Variants in VWA8 observed in about 807,000 individuals in gnomAD.
VWA8 encodes von Willebrand factor A domain containing 8.
In VWA8, 221 loss-of-function variants were observed where a neutral mutation model predicts 241.5. That is an observed-to-expected ratio of 0.91 (90% CI 0.82 to 1.02). VWA8 has a LOEUF of 1.02. Ranked by LOEUF, VWA8 falls within the 50% of genes least tolerant of loss-of-function variation. The probability of loss-of-function intolerance (pLI) is 0.00; values close to 1 mark genes in which losing one functional copy is unlikely to be tolerated. For missense variants in VWA8, 2,322 were observed against 2,328.7 expected, an observed-to-expected ratio of 1.00 and a Z score of 0.06; for synonymous variants, 852 against 827.1, an observed-to-expected ratio of 1.03 and a Z score of -0.52.
chr13:41,960,944 C>T lies in VWA8; in HGVS notation c.72G>A (p.Leu24=), dbSNP rs1878587768. 9.5e-6 allele frequency: 14 copies of T among 1,477,594 alleles called. No individual in the cohort carries two copies. Among genetic ancestry groups the T allele is most frequent in the South Asian group, 1.3e-5 (1 of 77,526 alleles). The allele number at this position is 1,477,594 out of a possible 1,614,324, so 91.5% of individuals were successfully genotyped here. The part of the protein sequence containing the change: ...HGGPASRRMR[L]LLRQVVQRRP... Reference sequence around the variant, plus strand: ...TGCGCTGCACCACCTGCCGCAGGAGCAGCCGCATGCGCCGCGAGGCCGGGC... The same window carrying T: ...TGCGCTGCACCACCTGCCGCAGGAGTAGCCGCATGCGCCGCGAGGCCGGGC... Residue 24 remains leucine, a synonymous_variant, in exon 1 of 45, where the codon CTG becomes CTA. Coordinates refer to ENST00000379310, the MANE Select transcript of VWA8 (RefSeq NM_015058.2).
rs942924608 is a variant in VWA8 at position 41,898,236 on chromosome 13, C to A, written c.484-6649G>T. Among the ~76,000 whole-genome samples the A allele has an allele frequency of 2.3e-4, 35 of 151,954 alleles. 1 individual carries two copies. In the East Asian group the frequency reaches 4.1e-3, roughly 18 times the overall value. ...ACCAGAGCAGGTAGATACAGAGTGTCGATTGGTGCACTCACAAACCCTGAG... is the reference window on the plus strand; with the variant it reads ...ACCAGAGCAGGTAGATACAGAGTGTAGATTGGTGCACTCACAAACCCTGAG... On this transcript the variant is annotated intron_variant, in intron 4 of 44. Transcript: ENST00000379310.
chr13:41,910,850 G>A (rs1479210276), intron 3 of VWA8, among the ~76,000 whole-genome samples: 1 of 152,038 alleles, frequency 6.6e-6, no homozygotes, highest in African/African-American at 2.4e-5. Flanking sequence ...ATTCGCCACT[G>A]AAATAAAAGA....
At chr13:41,595,464 A>G (rs2044482021) in intron 40 of VWA8, among the ~76,000 whole-genome samples, 1 of 152,170 alleles carries the variant, frequency 6.6e-6, no homozygotes, top group Admixed American at 6.5e-5. Context: ...CAAAGTAAAC[A>G]CACAATCTTA....
intron 12 of VWA8, among the ~76,000 whole-genome samples, chr13:41,857,676 G>A (rs1872811573): frequency 6.6e-6 from 1 of 151,870 alleles, no homozygotes. Context: ...CACTATATAG[G>A]CAAGGAATTT....
In VWA8 at chr13:41,890,917, C is replaced by T. The variant is rs749702416; in HGVS notation, c.651+503G>A. 2.6e-5 allele frequency among the ~76,000 whole-genome samples: 4 copies of T among 152,094 alleles called. 1 individual carries two copies. The highest frequency in any genetic ancestry group is 4.1e-4 in the South Asian group (2 of 4,822). On this transcript the variant is annotated intron_variant, in intron 5 of 44. Coordinates refer to ENST00000379310, the MANE Select transcript of VWA8 (RefSeq NM_015058.2). ...AGTTAGGAGGTTCCTACAGCAACCT[C>T]GGCATGTGATGCTGGTGGCTTGGGT...
intron 42 of VWA8, among the ~76,000 whole-genome samples, chr13:41,586,588 C>T (rs1236516673): frequency 6.6e-6 from 1 of 152,056 alleles, no homozygotes; most frequent in Non-Finnish European, 1.5e-5. Flanking sequence ...AATAATAGGC[C>T]TAAAGTACCT....
At chr13:41,828,653 T>TAC (rs1455405398) in intron 14 of VWA8, among the ~76,000 whole-genome samples, 1 of 152,116 alleles carries the variant, frequency 6.6e-6, no homozygotes, top group African/African-American at 2.4e-5. Flanking sequence ...TGTCTGTTTA[T>TAC]ACACACACAC....
intron 21 of VWA8, among the ~76,000 whole-genome samples, chr13:41,735,903 C>T (rs565142084): frequency 6.6e-6 from 1 of 152,116 alleles, no homozygotes; most frequent in South Asian, 2.1e-4. Context: ...AAAATAATTG[C>T]TCTGCATTTA....
At chr13:41,957,319 A>G (rs1171414067) in intron 1 of VWA8, among the ~76,000 whole-genome samples, 2 of 152,216 alleles carry the variant, frequency 1.3e-5, no homozygotes, top group African/African-American at 2.4e-5. Flanking sequence ...GCCGCTATGT[A>G]AGACGTGACT....
intron 37 of VWA8, among the ~76,000 whole-genome samples, chr13:41,619,683 G>T (rs1334846145): frequency 1.3e-5 from 2 of 152,042 alleles, no homozygotes; most frequent in South Asian, 2.1e-4. Context: ...GCATGAAGGA[G>T]TGTTGAATTT....
At chr13:41,850,519 C>T (rs1364716631) in intron 12 of VWA8, among the ~76,000 whole-genome samples, 1 of 152,186 alleles carries the variant, frequency 6.6e-6, no homozygotes, top group Non-Finnish European at 1.5e-5. Context: ...TAGGTCCCAT[C>T]AACCCAAGTT....
chr13:41,778,000 T>C lies in VWA8; in HGVS notation c.2334A>G (p.Leu778=), dbSNP rs1376233637. 13 of 1,611,234 alleles carry C rather than the reference T, an allele frequency of 8.1e-6. No homozygotes were observed. The highest frequency in any genetic ancestry group is 2.7e-5 in the African/African-American group (2 of 74,776). ...CATAACTCACCTGGTTGCCAACCAA[T>C]AATAAGTGTTCTCCAAGGAGAAAGT... ...LKDFLLGEHL[L]LVGNQGVGKN... The change falls in exon 20 of 45, where the codon TTA becomes TTG. Residue 778 remains leucine (L), a synonymous_variant. Coordinates refer to ENST00000379310, the MANE Select transcript of VWA8 (RefSeq NM_015058.2).
Position 41,573,720 on chromosome 13 carries a change from C to T in VWA8, c.5370+2020G>A, listed in dbSNP as rs532475864. Among the ~76,000 whole-genome samples the T allele has an allele frequency of 2.4e-4, 36 of 151,140 alleles. No individual in the cohort carries two copies. In the South Asian group the frequency reaches 5.4e-3, roughly 23 times the overall value. The stretch of plus-strand genomic sequence containing the variant: ...GCAGCCTCTGCCTCCCGGGTTCGGG[C>T]GGTTCTCCTGCCTCAGCCTCCCGGG... On this transcript the variant is annotated intron_variant, in intron 43 of 44. Transcript: ENST00000379310.
chr13:41,736,232 T>A (rs1425899420), intron 21 of VWA8, among the ~76,000 whole-genome samples: 1 of 152,218 alleles, frequency 6.6e-6, no homozygotes, highest in Non-Finnish European at 1.5e-5. Flanking sequence ...TTCTCACTTT[T>A]TACTATCTTA....
chr13:41,636,529 T>C (rs890080804), intron 37 of VWA8, among the ~76,000 whole-genome samples: 5 of 152,224 alleles, frequency 3.3e-5, no homozygotes, highest in African/African-American at 4.8e-5. Context: ...AAGGACTTCA[T>C]GTCTAAAACA....
At chr13:41,667,652 TG>T (rs1566408159) in intron 37 of VWA8, among the ~76,000 whole-genome samples, 1 of 152,018 alleles carries the variant, frequency 6.6e-6, no homozygotes, top group Non-Finnish European at 1.5e-5. Context: ...CAAGAGAAGA[TG>T]ATCTGATTTC....
chr13:41,833,565 T>A, intron 12 of VWA8, 34 bp from the exon 13 acceptor site: 1 of 1,552,730 alleles, frequency 6.4e-7, no homozygotes, highest in Non-Finnish European at 8.7e-7. Context: ...ACAAAGAACA[T>A]GACGAATTAA....
rs770077142 is a variant in VWA8 at position 41,811,253 on chromosome 13, T to C, written c.2035A>G (p.Ser679Gly). The change falls in exon 17 of 45, where the codon AGT (serine) becomes GGT (glycine). Residue 679 changes from serine (S) to glycine (G), a missense_variant. Coordinates refer to ENST00000379310, the MANE Select transcript of VWA8 (RefSeq NM_015058.2). ...GAAAGGCAGGCTTTAGTAACAGCAC[T>C]GTGAAGATTTTCATTAGGATACTGT... is the stretch of plus-strand genomic sequence containing the variant. The part of the protein sequence containing the change: ...LSQYPNENLH[S>G]AVTKACLSRF... 3 of 1,610,386 alleles carry C rather than the reference T, an allele frequency of 1.9e-6. No homozygotes were observed. The highest frequency in any genetic ancestry group is 2.5e-6 in the Non-Finnish European group (3 of 1,177,148).
intron 12 of VWA8, among the ~76,000 whole-genome samples, chr13:41,841,565 T>C (rs1872002787): frequency 6.6e-6 from 1 of 151,004 alleles, no homozygotes. Flanking sequence ...GGCAGGTGGA[T>C]CACGAGGTCA....
Sources: allele counts gnomAD v4.1 joint callset (sites outside exome capture counted in the v4.1 genomes callset), GRCh38; gene constraint gnomAD v4.1.1; transcripts MANE v1.5; gene names NCBI Gene and HGNC (gene_info 2026-07-23, HGNC 2026-07-21).